Variants in PCSK2 observed in about 807,000 individuals in gnomAD.
PCSK2 encodes proprotein convertase subtilisin/kexin type 2.
PCSK2 carries 14 observed loss-of-function variants against 69.7 expected under a neutral mutation model. The observed-to-expected ratio is 0.20, with a 90% CI of 0.13 to 0.31. The LOEUF (loss-of-function observed/expected upper bound fraction) is 0.31. Ranked by LOEUF, PCSK2 falls within the 10% of genes least tolerant of loss-of-function variation. The probability of loss-of-function intolerance (pLI) is 1.00; values close to 1 mark genes in which losing one functional copy is unlikely to be tolerated. For synonymous variants in PCSK2, 307 were observed against 320.7 expected (o/e 0.96, Z 0.46); for missense variants, 544 against 842.5 (o/e 0.65, Z 4.39).
chr20:17,424,117 T>C (rs2032192234), intron 6 of PCSK2, among the ~76,000 whole-genome samples: 1 of 152,218 alleles, frequency 6.6e-6, no homozygotes, highest in African/African-American at 2.4e-5. Context: ...AAATTATTTG[T>C]AATAGCAAGC....
chr20:17,478,562 T>A (rs371004246), intron 11 of PCSK2, among the ~76,000 whole-genome samples: 14 of 152,236 alleles, frequency 9.2e-5, no homozygotes, highest in Non-Finnish European at 1.9e-4. Context: ...TCATAGTTGT[T>A]ACTATGCTAT....
At chr20:17,311,797 T>A (rs924230904) in intron 2 of PCSK2, among the ~76,000 whole-genome samples, 1 of 152,172 alleles carries the variant, frequency 6.6e-6, no homozygotes, top group Non-Finnish European at 1.5e-5. Context: ...AAACAATGGC[T>A]GCAAACTTGA....
chr20:17,348,970 G>A (rs1048543509), intron 2 of PCSK2, among the ~76,000 whole-genome samples: 3 of 152,132 alleles, frequency 2.0e-5, no homozygotes, highest in African/African-American at 4.8e-5. Flanking sequence ...CTAACCATAG[G>A]ACCGTTAACC....
At chr20:17,358,250 T>A (rs1263120772) in intron 2 of PCSK2, 77 bp from the exon 3 acceptor site, 5 of 903,496 alleles carry the variant, frequency 5.5e-6, no homozygotes, top group Non-Finnish European at 9.1e-6. Flanking sequence ...AAATGAAATT[T>A]GGATTCATGG....
intron 2 of PCSK2, among the ~76,000 whole-genome samples, chr20:17,271,512 A>G (rs1018771909): frequency 6.6e-6 from 1 of 152,086 alleles, no homozygotes; most frequent in African/African-American, 2.4e-5. Context: ...CAAATAAATT[A>G]CAAATTGAGG....
chr20:17,471,472 A>G (rs1015937184), intron 11 of PCSK2, among the ~76,000 whole-genome samples: 1 of 152,210 alleles, frequency 6.6e-6, no homozygotes, highest in Non-Finnish European at 1.5e-5. Context: ...AGTGCCTACA[A>G]TAGTGCTGGG....
At chr20:17,332,672 A>G (rs1182830008) in intron 2 of PCSK2, among the ~76,000 whole-genome samples, 1 of 152,166 alleles carries the variant, frequency 6.6e-6, no homozygotes, top group Non-Finnish European at 1.5e-5. Context: ...TTTTGTTTTA[A>G]TAAGCTTTCC....
chr20:17,275,144 T>G (rs1368208657), intron 2 of PCSK2, among the ~76,000 whole-genome samples: 1 of 150,196 alleles, frequency 6.7e-6, no homozygotes, highest in Non-Finnish European at 1.5e-5. Flanking sequence ...AATGGTTTTC[T>G]TATAAAAGAG....
intron 5 of PCSK2, among the ~76,000 whole-genome samples, chr20:17,406,579 C>T (rs2031755523): frequency 1.3e-5 from 2 of 152,174 alleles, no homozygotes; most frequent in African/African-American, 2.4e-5. Flanking sequence ...GCTCTCAGAA[C>T]TCTCCAGGTC....
At chr20:17,397,953 C>T (rs1299914190) in intron 5 of PCSK2, among the ~76,000 whole-genome samples, 4 of 152,126 alleles carry the variant, frequency 2.6e-5, no homozygotes, top group African/African-American at 4.8e-5. Flanking sequence ...GAGTTCTTGA[C>T]GCTCCCAAAA....
intron 4 of PCSK2, among the ~76,000 whole-genome samples, chr20:17,366,835 A>G (rs1479410935): frequency 6.6e-6 from 1 of 152,092 alleles, no homozygotes; most frequent in East Asian, 1.9e-4. Context: ...TCTTGTTTTA[A>G]TTCTAATTTC....
intron 2 of PCSK2, among the ~76,000 whole-genome samples, chr20:17,354,383 G>T (rs918797143): frequency 6.6e-6 from 1 of 152,116 alleles, no homozygotes; most frequent in Non-Finnish European, 1.5e-5. Context: ...GGTAATAAAA[G>T]GTATAGTGTA....
At chr20:17,381,114 T>C (rs1379259142) in intron 5 of PCSK2, among the ~76,000 whole-genome samples, 1 of 152,186 alleles carries the variant, frequency 6.6e-6, no homozygotes, top group African/African-American at 2.4e-5. Context: ...ATCTCTGACA[T>C]AGAAATAAGA....
chr20:17,429,245 T>C (rs2032314685), intron 6 of PCSK2, among the ~76,000 whole-genome samples, 190 bp from the exon 7 acceptor site: 2 of 152,062 alleles, frequency 1.3e-5, no homozygotes. Context: ...GACAGGTAGA[T>C]AATGGTTTGC....
chr20:17,416,352 G>C (rs1182478432), intron 6 of PCSK2, among the ~76,000 whole-genome samples: 3 of 152,204 alleles, frequency 2.0e-5, no homozygotes, highest in African/African-American at 7.2e-5. Context: ...CCATCAAAAA[G>C]TGGGTGAAGG....
At chr20:17,301,638 A>T (rs6136054) in intron 2 of PCSK2, among the ~76,000 whole-genome samples, 14,174 of 152,190 alleles carry the variant, frequency 0.093, 795 homozygotes, top group African/African-American at 0.15. Context: ...TTATATAAAA[A>T]TACATATATT....
intron 2 of PCSK2, among the ~76,000 whole-genome samples, chr20:17,314,173 T>G (rs1048058067): frequency 1.3e-5 from 2 of 152,162 alleles, no homozygotes; most frequent in African/African-American, 4.8e-5. Flanking sequence ...TGTCTTGAAA[T>G]AGCAACTCAC....
At chr20:17,445,124 T>C (rs1036979780) in intron 8 of PCSK2, among the ~76,000 whole-genome samples, 1 of 152,218 alleles carries the variant, frequency 6.6e-6, no homozygotes, top group South Asian at 2.1e-4. Flanking sequence ...GGCAAGGTGA[T>C]GTGTTTACTG....
At chr20:17,284,785 G>T (rs938134727) in intron 2 of PCSK2, among the ~76,000 whole-genome samples, 5 of 152,176 alleles carry the variant, frequency 3.3e-5, no homozygotes, top group Admixed American at 6.5e-5. Flanking sequence ...AGGAGTTTGG[G>T]GATAGAGTTT....
Sources: gnomAD v4.1 joint callset for allele counts (sites outside exome capture counted in the v4.1 genomes callset) on GRCh38, gnomAD v4.1.1 for gene constraint, MANE v1.5 for transcripts, NCBI Gene and HGNC (gene_info 2026-07-23, HGNC 2026-07-21) for gene names.